NLK: variants seen among roughly 807,000 people sequenced by gnomAD.
The protein encoded by NLK is serine/threonine-protein kinase NLK.
NLK carries 11 observed loss-of-function variants against 59.0 expected under a neutral mutation model. The observed-to-expected ratio is 0.19, with a 90% CI of 0.12 to 0.31. The LOEUF (loss-of-function observed/expected upper bound fraction) is 0.31. Ranked by LOEUF, NLK falls within the 10% of genes least tolerant of loss-of-function variation. The pLI is 1.00. For synonymous variants in NLK, 235 were observed against 235.9 expected (o/e 1.00, Z 0.03); for missense variants, 410 against 661.1 (o/e 0.62, Z 4.16).
chr17:28,079,534 T>C (rs1910272817), intron 1 of NLK, among the ~76,000 whole-genome samples: 1 of 152,210 alleles, frequency 6.6e-6, no homozygotes, highest in Admixed American at 6.5e-5. Flanking sequence ...GTTATTTTAT[T>C]GTATTCTATT....
At chr17:28,144,538 A>C (rs1315450957) in intron 3 of NLK, among the ~76,000 whole-genome samples, 1 of 152,216 alleles carries the variant, frequency 6.6e-6, no homozygotes, top group East Asian at 1.9e-4. Flanking sequence ...ATATTGAATA[A>C]TAACAAAGCC....
At chr17:28,052,635 T>TA (rs759873104) in intron 1 of NLK, among the ~76,000 whole-genome samples, 6 of 152,170 alleles carry the variant, frequency 3.9e-5, no homozygotes, top group African/African-American at 7.2e-5. Flanking sequence ...GTAGCCACAG[T>TA]AAAAAACTGA....
At chr17:28,197,340 GC>G (rs1206149224), downstream of NLK, among the ~76,000 whole-genome samples, 4 of 152,036 alleles carry the variant, frequency 2.6e-5, no homozygotes, top group African/African-American at 9.7e-5. Flanking sequence ...ATGGTGGCGG[GC>G]GCCTATAATC....
At chr17:28,084,106 TCA>T (rs1194548084) in intron 1 of NLK, among the ~76,000 whole-genome samples, 1 of 152,212 alleles carries the variant, frequency 6.6e-6, no homozygotes, top group Non-Finnish European at 1.5e-5. Context: ...AACGCTGGAC[TCA>T]GAGGTAGCAA....
At position 28,172,610 on chromosome 17, in the gene NLK, CA is replaced by C. The variant is rs1908509680; in HGVS notation, c.1142del (p.His381LeufsTer42). On this transcript the variant is annotated frameshift_variant, in exon 7 of 11. Transcript: ENST00000407008. LOFTEE classifies it high-confidence loss of function. Reference protein sequence around the residue: ...GAKAHILRGPHKQPSLPVLYT... With the variant: ...GAKAHILRGPXKQPSLPVLYT... ...TAAGGCACATATACTCAGGGGTCCT[CA>C]TAAACAGGTGAGAGGAGGGGGGAAT... is the stretch of plus-strand genomic sequence containing the variant. 6.4e-7 allele frequency: 1 copy of C among 1,552,524 alleles called. No homozygotes were observed. The highest frequency in any genetic ancestry group is 8.7e-7 in the Non-Finnish European group (1 of 1,148,662).
At chr17:28,190,900 CG>C (rs932975269) in intron 8 of NLK, 120 bp from the exon 9 acceptor site, 24 of 649,416 alleles carry the variant, frequency 3.7e-5, no homozygotes, top group Non-Finnish European at 5.4e-5. Flanking sequence ...CCTCTTTGGA[CG>C]GGATGTACTA....
At chr17:28,174,387 C>A (rs1908591907) in intron 7 of NLK, among the ~76,000 whole-genome samples, 1 of 151,858 alleles carries the variant, frequency 6.6e-6, no homozygotes, top group African/African-American at 2.4e-5. Flanking sequence ...TTAGTGATGA[C>A]CTTAAGGGAG....
At chr17:28,057,543 T>C (rs1279291552) in intron 1 of NLK, among the ~76,000 whole-genome samples, 1 of 152,214 alleles carries the variant, frequency 6.6e-6, no homozygotes, top group African/African-American at 2.4e-5. Context: ...ATAGAAATAT[T>C]CCATTCTACA....
At chr17:28,200,483 A>G (rs1909602120), downstream of NLK, among the ~76,000 whole-genome samples, 1 of 152,042 alleles carries the variant, frequency 6.6e-6, no homozygotes, top group African/African-American at 2.4e-5. Flanking sequence ...TTACTTTATT[A>G]TTATTAATTT....
At chr17:28,193,541 A>G (rs916124825) in intron 10 of NLK, among the ~76,000 whole-genome samples, 2 of 152,198 alleles carry the variant, frequency 1.3e-5, no homozygotes, top group Non-Finnish European at 2.9e-5. Context: ...AAAAGCTAAC[A>G]TTAAGCTAGG....
chr17:28,173,211 C>T (rs924164701), intron 7 of NLK, among the ~76,000 whole-genome samples: 1 of 152,202 alleles, frequency 6.6e-6, no homozygotes, highest in South Asian at 2.1e-4. Flanking sequence ...TTCCTTATCT[C>T]CTTTGGACAG....
intron 1 of NLK, among the ~76,000 whole-genome samples, chr17:28,098,550 T>C (rs1904783948): frequency 6.6e-6 from 1 of 152,170 alleles, no homozygotes; most frequent in Admixed American, 6.5e-5. Flanking sequence ...AGGGTGCATG[T>C]ATATTATTGG....
At chr17:28,142,859 CTG>C (rs1223586922) in intron 3 of NLK, among the ~76,000 whole-genome samples, 1 of 152,062 alleles carries the variant, frequency 6.6e-6, no homozygotes, top group African/African-American at 2.4e-5. Flanking sequence ...AAGTGCTTAA[CTG>C]TGTTATTGCT....
At chr17:28,178,469 T>A (rs780818400) in intron 7 of NLK, among the ~76,000 whole-genome samples, 1 of 152,206 alleles carries the variant, frequency 6.6e-6, no homozygotes, top group Non-Finnish European at 1.5e-5. Context: ...TGAAGGGAAG[T>A]ATAGCTGCCA....
intron 1 of NLK, among the ~76,000 whole-genome samples, chr17:28,085,773 T>G (rs1910494112): frequency 6.6e-6 from 1 of 152,052 alleles, no homozygotes; most frequent in South Asian, 2.1e-4. Context: ...AGCTGAAAGA[T>G]TCCTATTGCC....
intron 3 of NLK, among the ~76,000 whole-genome samples, chr17:28,150,818 T>C (rs1316150801): frequency 6.6e-6 from 1 of 152,218 alleles, no homozygotes; most frequent in African/African-American, 2.4e-5. Context: ...GCACAGTGTG[T>C]TTTTAACAAT....
Position 28,098,909 on chromosome 17 carries a change from C to G in NLK, c.459-23694C>G, listed in dbSNP as rs143566448. On this transcript the variant is annotated intron_variant, in intron 1 of 10. Transcript: ENST00000407008. ...GTTGGTCAGGCTGGTCTTGAACTCC[C>G]GACCTCAGGTGATTCACCTACCTCT... Among the ~76,000 whole-genome samples, 433 of 151,862 alleles carry G rather than the reference C, an allele frequency of 2.9e-3. 5 individuals carry two copies. The highest frequency in any genetic ancestry group is 9.8e-3 in the African/African-American group (405 of 41,384).
At chr17:28,136,097 A>C (rs532980120) in intron 3 of NLK, among the ~76,000 whole-genome samples, 6 of 152,316 alleles carry the variant, frequency 3.9e-5, no homozygotes, top group Middle Eastern at 3.4e-3. Context: ...CAGATGTTTA[A>C]GTAAAGAGCC....
intron 1 of NLK, among the ~76,000 whole-genome samples, chr17:28,069,269 A>G (rs1472208518): frequency 1.3e-5 from 2 of 152,014 alleles, no homozygotes; most frequent in African/African-American, 2.4e-5. Flanking sequence ...TTTTCTCTTT[A>G]TTACTGAATC....
Sources: gnomAD v4.1 joint callset for allele counts (sites outside exome capture counted in the v4.1 genomes callset) on GRCh38, gnomAD v4.1.1 for gene constraint, MANE v1.5 for transcripts, NCBI Gene and HGNC (gene_info 2026-07-23, HGNC 2026-07-21) for gene names.